The following RNF19A variants were observed in gnomAD, a reference collection of about 807,000 sequenced individuals.
RNF19A encodes the protein ring finger protein 19A, RBR E3 ubiquitin protein ligase, also known as E3 ubiquitin-protein ligase RNF19A.
In RNF19A, 32 loss-of-function variants were observed where a neutral mutation model predicts 75.7. The ratio of observed to expected loss-of-function variants is 0.42; its 90% CI spans 0.32 to 0.57. RNF19A has a LOEUF of 0.57. Ranked by LOEUF, RNF19A falls within the 20% of genes least tolerant of loss-of-function variation. The pLI, the probability that RNF19A is intolerant of heterozygous loss-of-function variation, is 0.10. For synonymous variants in RNF19A, 335 were observed against 345.2 expected, an observed-to-expected ratio of 0.97 and a Z score of 0.33; for missense variants, 782 against 1,036.3, an observed-to-expected ratio of 0.75 and a Z score of 3.37.
intron 2 of RNF19A, among the ~76,000 whole-genome samples, chr8:100,283,575 G>T (rs1820880982): frequency 1.3e-5 from 2 of 152,154 alleles, no homozygotes; most frequent in Admixed American, 1.3e-4. Context: ...CAAAAGAGTG[G>T]AAAGAATATT....
chr8:100,263,584 T>C (rs1819828044), intron 7 of RNF19A, among the ~76,000 whole-genome samples: 1 of 152,206 alleles, frequency 6.6e-6, no homozygotes, highest in East Asian at 1.9e-4. Context: ...TTAAAAAAGG[T>C]TTATTGACAT....
chr8:100,314,368 ATTAGG>A (rs147763737), upstream of RNF19A, among the ~76,000 whole-genome samples: 789 of 152,258 alleles, frequency 5.2e-3, 10 homozygotes, highest in African/African-American at 0.019. The surrounding 1 kb of genome is among the most constrained non-coding windows in gnomAD (Gnocchi z 4.1). Flanking sequence ...AAGCTCCCAA[ATTAGG>A]ATCTGAGGCA....
chr8:100,287,459 G>GA lies in RNF19A; in HGVS notation c.674+41dup. The GA allele has an allele frequency of 1.3e-6, 2 of 1,531,498 alleles. No homozygotes were observed. The highest frequency in any genetic ancestry group is 1.3e-5 in the South Asian group (1 of 77,250). The allele number at this position is 1,531,498 out of a possible 1,614,324, so 94.9% of individuals were successfully genotyped here. On this transcript the variant is annotated intron_variant, in intron 2 of 9. Transcript: ENST00000341084. This position sits in a 1 kb window ranked among gnomAD's most constrained non-coding sequence, Gnocchi z 4.1. ...AATAGCAAATTATTTTATCCACAGA[G>GA]AAAAAAATTAACTCAAGAAAAATCA...
chr8:100,271,176 A>C (rs923868331), intron 3 of RNF19A, among the ~76,000 whole-genome samples: 1 of 150,752 alleles, frequency 6.6e-6, no homozygotes, highest in Non-Finnish European at 1.5e-5. Flanking sequence ...TTTTTAACTT[A>C]AGATCTGGTC....
Position 100,284,361 on chromosome 8 carries a change from C to T in RNF19A, c.674+3140G>A, listed in dbSNP as rs1362349036. Among the ~76,000 whole-genome samples the T allele has an allele frequency of 1.3e-5, 2 of 152,120 alleles. No homozygotes were observed. Among genetic ancestry groups the T allele is most frequent in the Admixed American group, 6.5e-5 (1 of 15,280 alleles). ...CTTCAAAACACAATCATAAAACCTA[C>T]ATCACCAAGTATGTGAAATACGACC... On this transcript the variant is annotated intron_variant, in intron 2 of 9. Transcript: ENST00000341084. The surrounding 1 kb of genome is among the most constrained non-coding windows in gnomAD (Gnocchi z 4.3).
At chr8:100,294,106 A>G (rs189928785) in intron 1 of RNF19A, among the ~76,000 whole-genome samples, 97 of 152,340 alleles carry the variant, frequency 6.4e-4, no homozygotes, top group African/African-American at 2.2e-3. Flanking sequence ...GAGTCTTGAC[A>G]TGGAATGAAG....
intron 1 of RNF19A, among the ~76,000 whole-genome samples, chr8:100,295,011 C>T (rs1443606435): frequency 6.6e-6 from 1 of 152,152 alleles, no homozygotes; most frequent in East Asian, 1.9e-4. Context: ...TATCATGTGC[C>T]AGATACTCTT....
At chr8:100,283,579 G>T (rs867673155) in intron 2 of RNF19A, among the ~76,000 whole-genome samples, 1 of 152,144 alleles carries the variant, frequency 6.6e-6, no homozygotes, top group Non-Finnish European at 1.5e-5. Flanking sequence ...AGAGTGGAAA[G>T]AATATTAGGT....
At chr8:100,281,927 G>T (rs1477633520) in intron 2 of RNF19A, among the ~76,000 whole-genome samples, 1 of 152,140 alleles carries the variant, frequency 6.6e-6, no homozygotes, top group Non-Finnish European at 1.5e-5. Context: ...TTGAGAGAAG[G>T]TCTAGACAAA....
intron 5 of RNF19A, among the ~76,000 whole-genome samples, chr8:100,265,911 C>T (rs531849697): frequency 4.6e-5 from 7 of 152,188 alleles, no homozygotes; most frequent in Non-Finnish European, 1.0e-4. Flanking sequence ...TCCCAAGGTA[C>T]CTTTCATTAT....
chr8:100,323,260 T>C lies in RNF19A; in HGVS notation c.-242-9888A>G, dbSNP rs1320167111. On this transcript the variant is annotated intron_variant, in intron 1 of 3. Coordinates refer to the RNF19A transcript ENST00000519527. The surrounding 1 kb of genome is among the most constrained non-coding windows in gnomAD (Gnocchi z 4.6). ...GAAGGTAGTATTTCATAGAAAGTTTTTAAGGAAGAAAGAAAACTTTATTCT... is the reference window on the plus strand; with the variant it reads ...GAAGGTAGTATTTCATAGAAAGTTTCTAAGGAAGAAAGAAAACTTTATTCT... 2.0e-5 allele frequency among the ~76,000 whole-genome samples: 3 copies of C among 152,254 alleles called. No homozygotes were observed. The highest frequency in any genetic ancestry group is 4.8e-5 in the African/African-American group (2 of 41,468).
chr8:100,309,955 G>C (rs1056872905), upstream of RNF19A: 12 of 985,690 alleles, frequency 1.2e-5, no homozygotes, highest in Non-Finnish European at 1.4e-5. Context: ...AGGAAGCGCG[G>C]GGGAGGGTCC....
chr8:100,277,257 A>G (rs1352076724), intron 2 of RNF19A, among the ~76,000 whole-genome samples: 5 of 152,218 alleles, frequency 3.3e-5, no homozygotes, highest in Non-Finnish European at 7.3e-5. Flanking sequence ...AAAATTGTGC[A>G]GGATTTTAAG....
intron 1 of RNF19A, among the ~76,000 whole-genome samples, chr8:100,308,937 G>T (rs1289830736): frequency 2.0e-5 from 3 of 152,072 alleles, no homozygotes; most frequent in Non-Finnish European, 4.4e-5. Flanking sequence ...TATCTCCAAG[G>T]GTCAATGGGA....
intron 1 of RNF19A, among the ~76,000 whole-genome samples, chr8:100,307,249 G>A (rs1211387647): frequency 1.3e-5 from 2 of 152,082 alleles, no homozygotes; most frequent in Non-Finnish European, 2.9e-5. Context: ...TATATAACCC[G>A]AGTAGAGAAG....
At chr8:100,310,609 TC>T (rs1822268017), upstream of RNF19A, among the ~76,000 whole-genome samples, 1 of 152,228 alleles carries the variant, frequency 6.6e-6, no homozygotes, top group African/African-American at 2.4e-5. Flanking sequence ...CGAGGAAATG[TC>T]CTTTCCCAGA....
chr8:100,269,169 A>G lies in RNF19A; in HGVS notation c.1029-222T>C, dbSNP rs994772153. On this transcript the variant is annotated intron_variant, in intron 4 of 9. Transcript: ENST00000341084. The surrounding 1 kb of genome is among the most constrained non-coding windows in gnomAD (Gnocchi z 5.7). Reference sequence around the variant, plus strand: ...TATATTATATTTTATTATTTAATCTATATTATATTAACAAGATACTGATAA... The same window carrying G: ...TATATTATATTTTATTATTTAATCTGTATTATATTAACAAGATACTGATAA... Among the ~76,000 whole-genome samples the G allele has an allele frequency of 2.0e-5, 3 of 150,592 alleles. No homozygotes were observed. The highest frequency in any genetic ancestry group is 4.4e-5 in the Non-Finnish European group (3 of 67,674).
chr8:100,263,894 C>T (rs1467327523), intron 7 of RNF19A, 140 bp downstream of exon 7: 3 of 592,980 alleles, frequency 5.1e-6, no homozygotes, highest in African/African-American at 3.7e-5. Flanking sequence ...GCAGTTTATT[C>T]ACTTATGTAC....
chr8:100,270,043 T>C (rs755561162), intron 3 of RNF19A, 30 bp from the exon 4 acceptor site: 1 of 1,484,596 alleles, frequency 6.7e-7, no homozygotes, highest in Admixed American at 2.3e-5. Flanking sequence ...ATCTATTAAG[T>C]ACATAAAACT....
Sources: allele counts gnomAD v4.1 joint callset (sites outside exome capture counted in the v4.1 genomes callset), GRCh38; gene constraint gnomAD v4.1.1; non-coding constraint Gnocchi (gnomAD v3.1); transcripts MANE v1.5; gene names NCBI Gene and HGNC (gene_info 2026-07-23, HGNC 2026-07-21).